The following MTF2 variants were observed in gnomAD, a reference collection of about 807,000 sequenced individuals.
MTF2 encodes the protein metal response element binding transcription factor 2.
MTF2 carries 11 observed loss-of-function variants against 79.5 expected under a neutral mutation model. That is an observed-to-expected ratio of 0.14 (90% CI 0.09 to 0.23). The LOEUF is 0.23. MTF2 is among the 10% of genes least tolerant of loss of function. The pLI, the probability that MTF2 is intolerant of heterozygous loss-of-function variation, is 1.00. For synonymous variants in MTF2, 208 were observed against 232.8 expected (o/e 0.89, Z 0.97); for missense variants, 486 against 711.2 (o/e 0.68, Z 3.60).
At position 93,137,131 on chromosome 1, in the gene MTF2, AAGTC is replaced by A; in HGVS notation, c.*106_*109del. ...TACTATCTTTCTTAAAAAAAAAAAA[AAGTC>A]AAAAAAATTCAAAAAAGGGGATGAT... On this transcript the variant is annotated 3_prime_UTR_variant, in exon 15 of 15. Transcript: ENST00000370298. 3.0e-6 allele frequency: 3 copies of A among 1,004,892 alleles called. No homozygotes were observed. Among genetic ancestry groups the A allele is most frequent in the Non-Finnish European group, 4.3e-6 (3 of 698,596 alleles). The allele number at this position is 1,004,892 out of a possible 1,614,324, so 62.2% of individuals were successfully genotyped here.
intron 1 of MTF2, among the ~76,000 whole-genome samples, chr1:93,101,364 AC>A (rs1313554411): frequency 1.6e-5 from 2 of 127,764 alleles, no homozygotes; most frequent in Admixed American, 8.3e-5. Context: ...TACTATCTTA[AC>A]CTTTTTTTTT....
At chr1:93,086,041 A>G (rs760340671) in intron 1 of MTF2, among the ~76,000 whole-genome samples, 8 of 152,242 alleles carry the variant, frequency 5.3e-5, no homozygotes, top group Non-Finnish European at 8.8e-5. Flanking sequence ...CACTGCAAAC[A>G]CATTGTAAAG....
intron 14 of MTF2, among the ~76,000 whole-genome samples, chr1:93,135,016 C>G (rs1647328235): frequency 6.6e-6 from 1 of 152,078 alleles, no homozygotes; most frequent in African/African-American, 2.4e-5. Context: ...GTCACCCAGG[C>G]TGGAGTACAG....
chr1:93,081,746 C>T (rs189770708), intron 1 of MTF2, among the ~76,000 whole-genome samples: 34 of 152,218 alleles, frequency 2.2e-4, no homozygotes, highest in Admixed American at 2.2e-3. Context: ...CCACTAGCTG[C>T]ATGTGGGTAT....
At chr1:93,098,102 T>G (rs1175546617) in intron 1 of MTF2, among the ~76,000 whole-genome samples, 1 of 152,204 alleles carries the variant, frequency 6.6e-6, no homozygotes, top group Non-Finnish European at 1.5e-5. Flanking sequence ...TTATGCCACT[T>G]TCTCTCTAAT....
intron 1 of MTF2, among the ~76,000 whole-genome samples, chr1:93,084,042 A>G (rs1654728746): frequency 6.6e-6 from 1 of 151,284 alleles, no homozygotes; most frequent in South Asian, 2.1e-4. Context: ...AATATTCTTA[A>G]TTTTGATAAA....
In MTF2 at chr1:93,127,296, C is replaced by A; in HGVS notation, c.986C>A (p.Thr329Asn). 1 of 1,599,154 alleles carries A rather than the reference C, an allele frequency of 6.3e-7. No homozygotes were observed. Among genetic ancestry groups the A allele is most frequent in the Non-Finnish European group, 8.6e-7 (1 of 1,166,722 alleles). The change falls in exon 10 of 15, where the codon ACC (threonine) becomes AAC (asparagine). Residue 329 changes from threonine to asparagine, a missense_variant. By Grantham distance (65) the Thr-to-Asn change is moderately conservative. Coordinates refer to ENST00000370298, the MANE Select transcript of MTF2 (RefSeq NM_007358.4). ...HVLEALNDYK[T>N]MFMSGKEIKK... ...CTGGAGGCATTAAATGATTACAAGACCATGTAAGTTGATTTATTTTATGTA... is the reference window on the plus strand; with the variant it reads ...CTGGAGGCATTAAATGATTACAAGAACATGTAAGTTGATTTATTTTATGTA...
At chr1:93,116,426 C>G (rs1656250267) in intron 6 of MTF2, among the ~76,000 whole-genome samples, 1 of 151,932 alleles carries the variant, frequency 6.6e-6, no homozygotes, top group Non-Finnish European at 1.5e-5. Context: ...TTTTGACATA[C>G]CTTCCTAACG....
chr1:93,105,041 G>T (rs1485690944), intron 1 of MTF2, among the ~76,000 whole-genome samples: 2 of 151,600 alleles, frequency 1.3e-5, no homozygotes, highest in African/African-American at 2.4e-5. Context: ...CTACTCGGGA[G>T]GCTGAGGCAG....
chr1:93,117,006 A>C (rs1656274285), intron 6 of MTF2, among the ~76,000 whole-genome samples: 1 of 152,210 alleles, frequency 6.6e-6, no homozygotes, highest in Admixed American at 6.5e-5. Flanking sequence ...ATCACTGATC[A>C]CCATGAAAGA....
chr1:93,136,863 G>A lies in MTF2; in HGVS notation c.1618G>A (p.Asp540Asn), dbSNP rs371327740. 1.2e-6 allele frequency: 2 copies of A among 1,614,054 alleles called. No homozygotes were observed. The highest frequency in any genetic ancestry group is 2.7e-5 in the African/African-American group (2 of 74,926). ...LNTEILNNLA[D>N]QELQLNHLKN... ...CACAGAGATTCTGAATAACTTAGCA[G>A]ATCAGGAGTTACAACTCAATCATCT... is the stretch of plus-strand genomic sequence containing the variant. The change falls in exon 15 of 15, where the codon GAT becomes AAT. Residue 540 changes from aspartate to asparagine, a missense_variant. Around this residue, in one of 4 missense-constraint regions of MTF2, gnomAD observed 209 missense variants for 206.5 expected, o/e 1.01. Coordinates refer to ENST00000370298, the MANE Select transcript of MTF2 (RefSeq NM_007358.4).
At chr1:93,103,625 A>G (rs1197806918) in intron 1 of MTF2, among the ~76,000 whole-genome samples, 1 of 152,118 alleles carries the variant, frequency 6.6e-6, no homozygotes, top group African/African-American at 2.4e-5. Context: ...TTTTAACTAT[A>G]TGTTTCTATA....
intron 1 of MTF2, among the ~76,000 whole-genome samples, chr1:93,096,082 C>T (rs1557544384): frequency 6.6e-6 from 1 of 152,306 alleles, no homozygotes; most frequent in East Asian, 1.9e-4. Context: ...TTTCAGCTGA[C>T]ACTTATGTTT....
intron 14 of MTF2, 77 bp downstream of exon 14, chr1:93,134,272 AT>A: frequency 1.8e-6 from 2 of 1,107,826 alleles, no homozygotes; most frequent in Non-Finnish European, 2.6e-6. Flanking sequence ...TGATTGAATA[AT>A]TTTTTAGCAA....
intron 1 of MTF2, 76 bp downstream of exon 1, chr1:93,079,607 G>T: frequency 3.3e-5 from 50 of 1,517,628 alleles, no homozygotes; most frequent in Non-Finnish European, 4.4e-5. Flanking sequence ...AAGGAAGCAA[G>T]TATAAAAGGG....
chr1:93,085,778 G>A (rs1376877728), intron 1 of MTF2, among the ~76,000 whole-genome samples: 2 of 152,166 alleles, frequency 1.3e-5, no homozygotes, highest in Middle Eastern at 3.4e-3. Context: ...ATGCCACTTG[G>A]GCCCAGCCAG....
chr1:93,131,905 T>G (rs879562897), intron 11 of MTF2, among the ~76,000 whole-genome samples: 1 of 152,194 alleles, frequency 6.6e-6, no homozygotes, highest in Non-Finnish European at 1.5e-5. Context: ...TGTTGTAGAT[T>G]GGGCAGTTGG....
rs1195579246 is a variant in MTF2 at position 93,114,936 on chromosome 1, G to T, written c.383-52G>T. 5.1e-6 allele frequency: 7 copies of T among 1,370,752 alleles called. No individual in the cohort carries two copies. The East Asian group carries it at 1.6e-4, about 32-fold the overall frequency. The allele number at this position is 1,370,752 out of a possible 1,614,324, so 84.9% of individuals were successfully genotyped here. On this transcript the variant is annotated intron_variant, in intron 4 of 14. Coordinates refer to ENST00000370298, the MANE Select transcript of MTF2 (RefSeq NM_007358.4). ...TGCTAAAATGCATTCTTGAAATTGT[G>T]TTGAAAGTATTAATGAAACCGAATT...
In MTF2 at chr1:93,138,214, C is replaced by G. The variant is rs950137021; in HGVS notation, c.*1187C>G. On this transcript the variant is annotated 3_prime_UTR_variant, in exon 15 of 15. Coordinates refer to ENST00000370298, the MANE Select transcript of MTF2 (RefSeq NM_007358.4). ...GATTTAAATTGATAACTTTATTTTA[C>G]TTGTAAAAAAAAAGTTTCTTTTATC... 1 of 151,930 alleles carries G rather than the reference C, an allele frequency of 6.6e-6. No individual in the cohort carries two copies. The highest frequency in any genetic ancestry group is 1.5e-5 in the Non-Finnish European group (1 of 67,936). 9.4% of individuals were successfully genotyped at this position (151,930 alleles called of 1,614,324 possible).
Sources: gnomAD v4.1 joint callset for allele counts (sites outside exome capture counted in the v4.1 genomes callset) on GRCh38, gnomAD v4.1.1 for gene constraint, gnomAD v4.1.1 regional missense constraint, MANE v1.5 for transcripts, NCBI Gene and HGNC (gene_info 2026-07-23, HGNC 2026-07-21) for gene names.